The following CNEP1R1 variants were observed in gnomAD, a reference collection of about 807,000 sequenced individuals.
CNEP1R1 encodes CTD nuclear envelope phosphatase 1 regulatory subunit 1, also known as nuclear envelope phosphatase-regulatory subunit 1.
A neutral mutation model predicts 22.7 loss-of-function variants in CNEP1R1; 10 were observed. The observed-to-expected ratio is 0.44, with a 90% CI of 0.27 to 0.75. The LOEUF (loss-of-function observed/expected upper bound fraction) is 0.75. Ranked by LOEUF, CNEP1R1 falls within the 30% of genes least tolerant of loss-of-function variation. CNEP1R1 has a pLI of 0.17. For missense variants in CNEP1R1, 73 were observed against 151.5 expected, an observed-to-expected ratio of 0.48 and a Z score of 2.72; for synonymous variants, 53 against 50.1, an observed-to-expected ratio of 1.06 and a Z score of -0.25.
In CNEP1R1 at chr16:50,036,191, G is replaced by T; in HGVS notation, c.*733G>T. The T allele has an allele frequency of 6.6e-6, 1 of 150,442 alleles. No homozygotes were observed. Among genetic ancestry groups the T allele is most frequent in the Non-Finnish European group, 1.5e-5 (1 of 67,746 alleles). 9.3% of individuals were successfully genotyped at this position (150,442 alleles called of 1,614,324 possible). ...GTCTCGCTCTGTTGCCAGGCTGGAG[G>T]GCAGTGGCACGATCTTGGCTTTCTG... On this transcript the variant is annotated 3_prime_UTR_variant, in exon 6 of 6. Transcript: ENST00000427478.
chr16:50,025,882 T>C (rs961616368), intron 1 of CNEP1R1: 5 of 598,694 alleles, frequency 8.4e-6, no homozygotes, highest in Non-Finnish European at 1.5e-5. Context: ...CCACACCCAC[T>C]CGCTATCAGT....
chr16:50,030,026 C>T (rs1206697467), intron 3 of CNEP1R1, among the ~76,000 whole-genome samples: 1 of 152,086 alleles, frequency 6.6e-6, no homozygotes, highest in East Asian at 1.9e-4. Context: ...ATTTCTTAGA[C>T]ATTTATTTGT....
At chr16:50,025,625 T>C (rs1417029480) in intron 1 of CNEP1R1, 1 of 1,606,524 alleles carries the variant, frequency 6.2e-7, no homozygotes, top group Admixed American at 1.7e-5. Flanking sequence ...TGCAGCCTGC[T>C]AATTCATTTC....
chr16:50,028,027 C>T (rs964655483), intron 2 of CNEP1R1, among the ~76,000 whole-genome samples: 2 of 152,140 alleles, frequency 1.3e-5, no homozygotes, highest in Admixed American at 6.6e-5. Flanking sequence ...GCGCCATCTT[C>T]GCTCACTGCA....
chr16:50,033,242 G>C (rs891467826), intron 3 of CNEP1R1, among the ~76,000 whole-genome samples, 155 bp from the exon 4 acceptor site: 1 of 151,946 alleles, frequency 6.6e-6, no homozygotes, highest in Non-Finnish European at 1.5e-5. Context: ...TTTTTACAAC[G>C]CAGCAATACA....
intron 5 of CNEP1R1, among the ~76,000 whole-genome samples, chr16:50,035,168 A>C (rs2036264674): frequency 6.6e-6 from 1 of 152,192 alleles, no homozygotes; most frequent in South Asian, 2.1e-4. Context: ...CCTGGGCAAC[A>C]TAGCAAGACA....
Position 50,026,477 on chromosome 16 carries a change from T to G in CNEP1R1, c.97+10T>G, listed in dbSNP as rs947560758. On this transcript the variant is annotated intron_variant, in intron 2 of 5. Transcript: ENST00000427478. Reference sequence around the variant, plus strand: ...ACTGGACGCTGGAGAAGTAAGTTCCTGAATGTTATTTTAAGGGAAAACTAA... The same window carrying G: ...ACTGGACGCTGGAGAAGTAAGTTCCGGAATGTTATTTTAAGGGAAAACTAA... 8.2e-6 allele frequency: 13 copies of G among 1,590,904 alleles called. No individual in the cohort carries two copies. In the African/African-American group the frequency reaches 1.6e-4, roughly 20 times the overall value.
chr16:50,029,139 A>G (rs1441609456), intron 2 of CNEP1R1, among the ~76,000 whole-genome samples: 1 of 152,188 alleles, frequency 6.6e-6, no homozygotes, highest in Non-Finnish European at 1.5e-5. Flanking sequence ...AAATCATTCT[A>G]GCTTAGTGGA....
intron 2 of CNEP1R1, among the ~76,000 whole-genome samples, chr16:50,029,027 A>G (rs974450064): frequency 3.3e-5 from 5 of 152,212 alleles, no homozygotes; most frequent in Non-Finnish European, 7.3e-5. Context: ...AAGACAGGCA[A>G]CGGTCATCAT....
rs966057131 is a variant in CNEP1R1, at chr16:50,025,483, G to A, written c.25+143G>A. 4 of 1,137,518 alleles carry A rather than the reference G, an allele frequency of 3.5e-6. No homozygotes were observed. In the African/African-American group the frequency reaches 6.3e-5, roughly 18 times the overall value. 70.5% of individuals were successfully genotyped at this position (1,137,518 alleles called of 1,614,324 possible). A position where few individuals can be genotyped will look rare whatever the true frequency, so the allele number is the denominator to read the frequency against. On this transcript the variant is annotated intron_variant, in intron 1 of 5. Transcript: ENST00000427478. ...GGGCCCGGAGCTTGGGGGCGCGTAG[G>A]CGGCCGTACCTGGCCAGACGCGGGG...
intron 2 of CNEP1R1, among the ~76,000 whole-genome samples, chr16:50,028,050 C>T (rs1029633534): frequency 4.6e-5 from 7 of 152,170 alleles, no homozygotes; most frequent in African/African-American, 1.7e-4. Flanking sequence ...CTCTGCCTCC[C>T]GGGTTCAAGT....
intron 3 of CNEP1R1, among the ~76,000 whole-genome samples, chr16:50,030,433 CAG>C (rs1597117826): frequency 6.6e-6 from 1 of 151,754 alleles, no homozygotes; most frequent in East Asian, 1.9e-4. Flanking sequence ...GACCCTGTCT[CAG>C]AAAAAAAGAG....
chr16:50,025,264 G>T lies in CNEP1R1; in HGVS notation c.-52G>T. On this transcript the variant is annotated 5_prime_UTR_variant, in exon 1 of 6. Transcript: ENST00000427478. Reference sequence around the variant, plus strand: ...GCGCTGCGGGCCGGGCGGGGGCCGCGGAAGCTGCGATGCGGACAGGGCAGC... The same window carrying T: ...GCGCTGCGGGCCGGGCGGGGGCCGCTGAAGCTGCGATGCGGACAGGGCAGC... 1 of 1,386,040 alleles carries T rather than the reference G, an allele frequency of 7.2e-7. No individual in the cohort carries two copies. 85.9% of individuals were successfully genotyped at this position (1,386,040 alleles called of 1,614,324 possible).
At chr16:50,029,002 A>G (rs1034163565) in intron 2 of CNEP1R1, among the ~76,000 whole-genome samples, 2 of 152,322 alleles carry the variant, frequency 1.3e-5, no homozygotes, top group South Asian at 2.1e-4. Context: ...TGAAAAATGT[A>G]TGCATCCTAG....
chr16:50,034,883 CAGTG>C (rs2036262304), intron 5 of CNEP1R1, among the ~76,000 whole-genome samples: 1 of 152,068 alleles, frequency 6.6e-6, no homozygotes, highest in African/African-American at 2.4e-5. Flanking sequence ...GCCTGGACGA[CAGTG>C]AGACCCTGTC....
rs928928154 is a variant in CNEP1R1, at chr16:50,025,718, C to G, written c.25+378C>G. 8 of 1,611,710 alleles carry G rather than the reference C, an allele frequency of 5.0e-6. No homozygotes were observed. In the Admixed American group the frequency reaches 1.3e-4, roughly 27 times the overall value. ...ACTGCCAAGGTTAGGAAGTGCTGCT[C>G]GGTGTTTTAAAGTTTAAAGCACACC... On this transcript the variant is annotated intron_variant, in intron 1 of 5. Coordinates refer to ENST00000427478, the MANE Select transcript of CNEP1R1 (RefSeq NM_001281789.2).
chr16:50,028,149 T>G (rs1424923217), intron 2 of CNEP1R1, among the ~76,000 whole-genome samples: 1 of 152,044 alleles, frequency 6.6e-6, no homozygotes, highest in Non-Finnish European at 1.5e-5. Flanking sequence ...TTAGTAGAGA[T>G]AGGGTTTCTG....
intron 5 of CNEP1R1, 191 bp downstream of exon 5, chr16:50,034,347 A>G (rs369735351): frequency 2.7e-5 from 15 of 548,630 alleles, no homozygotes; most frequent in Admixed American, 1.6e-4. Flanking sequence ...CTTACAGTCA[A>G]TGAGATCTGA....
intron 2 of CNEP1R1, among the ~76,000 whole-genome samples, chr16:50,027,819 C>A (rs1350836972): frequency 2.0e-5 from 3 of 152,104 alleles, no homozygotes; most frequent in Non-Finnish European, 4.4e-5. Flanking sequence ...ACTATCTATT[C>A]ATAAGTATCA....
Sources: allele counts gnomAD v4.1 joint callset (sites outside exome capture counted in the v4.1 genomes callset), GRCh38; gene constraint gnomAD v4.1.1; transcripts MANE v1.5; gene names NCBI Gene and HGNC (gene_info 2026-07-23, HGNC 2026-07-21).